RNF212B: variants seen among roughly 807,000 people sequenced by gnomAD.
The protein encoded by RNF212B is E3 ubiquitin-protein ligase RNF212B.
In RNF212B, 52 loss-of-function variants were observed where a neutral mutation model predicts 55.5. The ratio of observed to expected loss-of-function variants is 0.94; its 90% CI spans 0.75 to 1.18. The LOEUF (loss-of-function observed/expected upper bound fraction) is 1.18, where lower values mean the gene tolerates loss of function less well. Among genes scored for constraint, RNF212B ranks in the 50% most tolerant of loss-of-function variants. The pLI is 0.00. For missense variants in RNF212B, 289 were observed against 350.4 expected (o/e 0.82, Z 1.40); for synonymous variants, 99 against 121.4 (o/e 0.82, Z 1.21).
At chr14:23,214,064 A>G (rs1880834006) in intron 2 of RNF212B, among the ~76,000 whole-genome samples, 1 of 152,230 alleles carries the variant, frequency 6.6e-6, no homozygotes, top group Non-Finnish European at 1.5e-5. Context: ...TCGAGGTTGT[A>G]GTGTGCTGTA....
At chr14:23,237,373 G>T (rs1327320479), upstream of RNF212B, among the ~76,000 whole-genome samples, 1 of 151,988 alleles carries the variant, frequency 6.6e-6, no homozygotes, top group African/African-American at 2.4e-5. Flanking sequence ...CAAGTGATCC[G>T]CCCGCCTCGG....
intron 2 of RNF212B, chr14:23,193,470 C>T (rs1878322152): frequency 6.6e-6 from 1 of 152,018 alleles, no homozygotes; most frequent in African/African-American, 2.4e-5. Flanking sequence ...AGACAGCCAC[C>T]CCTCCAGAGG....
chr14:23,209,383 G>A (rs927577673), intron 2 of RNF212B, among the ~76,000 whole-genome samples: 1 of 152,160 alleles, frequency 6.6e-6, no homozygotes, highest in Non-Finnish European at 1.5e-5. Flanking sequence ...GTAGGTTTCA[G>A]CCTCATTTTA....
chr14:23,199,330 TA>T (rs1181911381), intron 2 of RNF212B, among the ~76,000 whole-genome samples: 2 of 152,048 alleles, frequency 1.3e-5, no homozygotes, highest in Non-Finnish European at 2.9e-5. Flanking sequence ...AGATAGGTGA[TA>T]CACAAATGGT....
At chr14:23,211,699 T>C (rs1323513974) in intron 2 of RNF212B, among the ~76,000 whole-genome samples, 2 of 152,172 alleles carry the variant, frequency 1.3e-5, no homozygotes, top group Non-Finnish European at 2.9e-5. Flanking sequence ...TAATTCACCA[T>C]AGAGACACAC....
At chr14:23,254,176 T>C (rs1035782022) in intron 4 of RNF212B, among the ~76,000 whole-genome samples, 1 of 151,740 alleles carries the variant, frequency 6.6e-6, no homozygotes, top group Non-Finnish European at 1.5e-5. Context: ...TCCCAGCTAC[T>C]CGGGAGGCTG....
chr14:23,196,874 C>T (rs961447548), intron 2 of RNF212B, among the ~76,000 whole-genome samples: 1 of 152,196 alleles, frequency 6.6e-6, no homozygotes, highest in African/African-American at 2.4e-5. Flanking sequence ...CCCACCCACC[C>T]CATTCCTGGC....
chr14:23,232,978 T>C (rs935294765), upstream of RNF212B, among the ~76,000 whole-genome samples: 28 of 151,822 alleles, frequency 1.8e-4, no homozygotes, highest in Admixed American at 8.5e-4. Flanking sequence ...GGGGGAAAGG[T>C]GGGGAAAAGA....
chr14:23,258,534 G>A lies in RNF212B; in HGVS notation c.229-15G>A. The A allele has an allele frequency of 7.4e-7, 1 of 1,360,270 alleles. No homozygotes were observed. The highest frequency in any genetic ancestry group is 1.5e-5 in the African/African-American group (1 of 67,636). The allele number at this position is 1,360,270 out of a possible 1,614,324, so 84.3% of individuals were successfully genotyped here. A position where few individuals can be genotyped will look rare whatever the true frequency, so the allele number is the denominator to read the frequency against. ...TTATGGGAGAGTATGTCAAAGGCTT[G>A]TTTTTCCCTAGTAGGTGTGGAGTTT... is the stretch of plus-strand genomic sequence containing the variant. On this transcript the variant is annotated splice_polypyrimidine_tract_variant and intron_variant, in intron 4 of 14. Transcript: ENST00000430154.
intron 11 of RNF212B, among the ~76,000 whole-genome samples, chr14:23,265,816 C>A (rs1288799225): frequency 6.6e-6 from 1 of 151,944 alleles, no homozygotes; most frequent in Non-Finnish European, 1.5e-5. Flanking sequence ...GGATTTAGTT[C>A]TTTTTCTAGT....
At chr14:23,211,879 T>A (rs1195650120) in intron 2 of RNF212B, among the ~76,000 whole-genome samples, 2 of 152,096 alleles carry the variant, frequency 1.3e-5, no homozygotes, top group Non-Finnish European at 2.9e-5. Flanking sequence ...CATGCCACCA[T>A]ACCTGGCTAA....
intron 2 of RNF212B, among the ~76,000 whole-genome samples, chr14:23,210,776 C>CAAAACAAAAAA (rs1242464686): frequency 4.9e-5 from 3 of 60,828 alleles, no homozygotes; most frequent in African/African-American, 2.3e-4. Flanking sequence ...GACTCTGTCT[C>CAAAACAAAAAA]AAAAAAAAAA....
chr14:23,202,877 G>A (rs1441080033), intron 2 of RNF212B, among the ~76,000 whole-genome samples: 1 of 151,078 alleles, frequency 6.6e-6, no homozygotes, highest in African/African-American at 2.4e-5. Context: ...AAATTGCTGT[G>A]AGTGTTTAAA....
intron 2 of RNF212B, among the ~76,000 whole-genome samples, chr14:23,224,750 A>C (rs558009987): frequency 6.6e-6 from 1 of 152,338 alleles, no homozygotes; most frequent in South Asian, 2.1e-4. Context: ...AAAATGGACA[A>C]ATGGGATCAC....
intron 1 of RNF212B, among the ~76,000 whole-genome samples, chr14:23,239,574 AT>A (rs1433574508): frequency 6.6e-6 from 1 of 151,894 alleles, no homozygotes; most frequent in Non-Finnish European, 1.5e-5. Context: ...TGGACGATTC[AT>A]TTTTTGTTTT....
intron 2 of RNF212B, among the ~76,000 whole-genome samples, chr14:23,228,419 G>T (rs1407789555): frequency 2.2e-5 from 3 of 137,108 alleles, no homozygotes; most frequent in Non-Finnish European, 4.6e-5. Flanking sequence ...GAGGCCAGGA[G>T]TTTGAGGCCA....
At chr14:23,253,299 AGGT>A in intron 4 of RNF212B, among the ~76,000 whole-genome samples, 1 of 152,292 alleles carries the variant, frequency 6.6e-6, no homozygotes, top group African/African-American at 2.4e-5. Context: ...GTTTCAATAA[AGGT>A]ATATATTTCA....
At chr14:23,224,188 C>G (rs914356151) in intron 2 of RNF212B, among the ~76,000 whole-genome samples, 3 of 151,292 alleles carry the variant, frequency 2.0e-5, no homozygotes, top group African/African-American at 7.3e-5. Context: ...AGATTCAATG[C>G]AATTCTTATC....
intron 4 of RNF212B, among the ~76,000 whole-genome samples, chr14:23,257,531 G>A (rs1884937062): frequency 6.6e-6 from 1 of 152,140 alleles, no homozygotes; most frequent in African/African-American, 2.4e-5. Context: ...TTTATGAGAA[G>A]AGTACCAAGA....
Sources: allele counts gnomAD v4.1 joint callset (sites outside exome capture counted in the v4.1 genomes callset), GRCh38; gene constraint gnomAD v4.1.1; transcripts MANE v1.5; gene names NCBI Gene and HGNC (gene_info 2026-07-23, HGNC 2026-07-21).